EXOC2: variants seen among roughly 807,000 people sequenced by gnomAD.
EXOC2 encodes exocyst complex component 2.
EXOC2 carries 70 observed loss-of-function variants against 131.8 expected under a neutral mutation model. The observed-to-expected ratio is 0.53, with a 90% CI of 0.44 to 0.65. EXOC2 has a LOEUF of 0.65. Among genes scored for constraint, EXOC2 ranks in the 30% least tolerant of loss-of-function variants. The probability of loss-of-function intolerance (pLI) is 0.00; values close to 1 mark genes in which losing one functional copy is unlikely to be tolerated. For missense variants in EXOC2, 923 were observed against 1,108.6 expected (o/e 0.83, Z 2.38); for synonymous variants, 411 against 398.4 (o/e 1.03, Z -0.38).
chr6:643,671 A>G (rs1401884326), intron 1 of EXOC2, among the ~76,000 whole-genome samples: 1 of 152,096 alleles, frequency 6.6e-6, no homozygotes, highest in Non-Finnish European at 1.5e-5. Context: ...GGAGGGCAGG[A>G]AAAGGAAGCA....
rs946507593 is a variant in EXOC2, at chr6:567,629, TTAA to T, written c.1444-2703_1444-2701del. On this transcript the variant is annotated intron_variant, in intron 13 of 27. Transcript: ENST00000230449. ...TGCATTTATATGCATGTGTTATACATTAATGTTTCATACATGTCTACATACGTG... is the reference window on the plus strand; with the variant it reads ...TGCATTTATATGCATGTGTTATACATTGTTTCATACATGTCTACATACGTG... 3.4e-4 allele frequency among the ~76,000 whole-genome samples: 51 copies of T among 151,964 alleles called. 1 individual carries two copies. The highest frequency in any genetic ancestry group is 4.1e-4 in the South Asian group (2 of 4,824).
chr6:628,337 C>CT (rs1761681555), intron 4 of EXOC2, among the ~76,000 whole-genome samples: 1 of 152,240 alleles, frequency 6.6e-6, no homozygotes, highest in Admixed American at 6.5e-5. Flanking sequence ...TTATTCTTCA[C>CT]TGCCATTACC....
intron 1 of EXOC2, chr6:656,533 G>A: frequency 6.2e-7 from 1 of 1,603,770 alleles, no homozygotes; most frequent in Non-Finnish European, 8.5e-7. Flanking sequence ...ACTCTCCTGG[G>A]AAGCACCCGC....
intron 23 of EXOC2, among the ~76,000 whole-genome samples, chr6:526,698 C>T (rs1294566978): frequency 2.0e-5 from 3 of 152,070 alleles, no homozygotes; most frequent in Non-Finnish European, 4.4e-5. Context: ...CCTCAGCCTC[C>T]CAAAATGCCG....
At chr6:537,001 A>G (rs1034596636) in intron 22 of EXOC2, among the ~76,000 whole-genome samples, 2 of 152,236 alleles carry the variant, frequency 1.3e-5, no homozygotes, top group Non-Finnish European at 2.9e-5. Context: ...GCACTTCAAG[A>G]AAGAAGCTAC....
intron 23 of EXOC2, among the ~76,000 whole-genome samples, chr6:510,372 C>T (rs1764770406): frequency 6.6e-6 from 1 of 152,062 alleles, no homozygotes; most frequent in Non-Finnish European, 1.5e-5. Context: ...TGTTTTCCAT[C>T]CCAGGATTTT....
chr6:549,052 G>A lies in EXOC2; in HGVS notation c.2238+123C>T, dbSNP rs1185105643. The stretch of plus-strand genomic sequence containing the variant: ...TTAGCAGGGTGAAGGCGGGGAAGCA[G>A]TGTGGCTGTGGGGGCGGCACGCAGA... On this transcript the variant is annotated intron_variant, in intron 22 of 27. Transcript: ENST00000230449. 4.0e-6 allele frequency: 3 copies of A among 747,020 alleles called. No homozygotes were observed. In the East Asian group the frequency reaches 7.4e-5, roughly 18 times the overall value. 46.3% of individuals were successfully genotyped at this position (747,020 alleles called of 1,614,324 possible).
chr6:690,350 C>T (rs1308134263), intron 1 of EXOC2, among the ~76,000 whole-genome samples: 4 of 152,120 alleles, frequency 2.6e-5, no homozygotes, highest in Non-Finnish European at 5.9e-5. Context: ...AACAAGACCC[C>T]CTTTCAATCA....
intron 22 of EXOC2, 71 bp from the exon 23 acceptor site, chr6:532,681 AT>A: frequency 1.5e-6 from 2 of 1,305,646 alleles, no homozygotes; most frequent in Non-Finnish European, 2.0e-6. Flanking sequence ...AATGTTAACA[AT>A]AAATACTTCA....
intron 4 of EXOC2, among the ~76,000 whole-genome samples, chr6:626,079 C>T (rs1450265004): frequency 1.3e-5 from 2 of 152,184 alleles, no homozygotes; most frequent in African/African-American, 4.8e-5. Flanking sequence ...CAACTGAAGT[C>T]ATGCAAAGAC....
intron 1 of EXOC2, among the ~76,000 whole-genome samples, chr6:660,425 C>T (rs970509937): frequency 3.3e-5 from 5 of 152,296 alleles, no homozygotes; most frequent in East Asian, 1.9e-4. Flanking sequence ...CTGGAACAGG[C>T]GCTGATATTC....
chr6:658,665 A>ATATTTTATATATATATATATATAT (rs1374453663), intron 1 of EXOC2, among the ~76,000 whole-genome samples: 1 of 115,546 alleles, frequency 8.7e-6, no homozygotes, highest in Non-Finnish European at 1.8e-5. Context: ...ATATATATAT[A>ATATTTTATATATATATATATATAT]TTTTTTTTTT....
intron 23 of EXOC2, among the ~76,000 whole-genome samples, chr6:527,047 T>C (rs954340151): frequency 2.0e-5 from 3 of 152,230 alleles, no homozygotes; most frequent in Non-Finnish European, 2.9e-5. Context: ...TACCTAGTAA[T>C]GTGTGTATAT....
At chr6:557,697 T>C (rs114571957) in intron 17 of EXOC2, among the ~76,000 whole-genome samples, 7,258 of 149,170 alleles carry the variant, frequency 0.049, 254 homozygotes, top group African/African-American at 0.089. Flanking sequence ...AGGATGGTCA[T>C]AGAAGGCCCC....
At position 549,168 on chromosome 6, in the gene EXOC2, C is replaced by T. The variant is rs755979481; in HGVS notation, c.2238+7G>A. On this transcript the variant is annotated splice_region_variant and intron_variant, in intron 22 of 27. Transcript: ENST00000230449. ...CCGACTTGTGCGTTTTACATGAACT[C>T]GCTTACCTGTGTGATTTTTTCTATT... The T allele has an allele frequency of 8.7e-6, 14 of 1,609,076 alleles. No homozygotes were observed. Among genetic ancestry groups the T allele is most frequent in the Middle Eastern group, 1.7e-4 (1 of 6,060 alleles).
At chr6:556,675 T>C in intron 17 of EXOC2, 111 bp from the exon 18 acceptor site, 1 of 1,124,188 alleles carries the variant, frequency 8.9e-7, no homozygotes, top group Non-Finnish European at 1.3e-6. Flanking sequence ...ATTAATGGAA[T>C]GGAACAGACA....
Position 534,768 on chromosome 6 carries a change from C to T in EXOC2, c.2239-2158G>A, listed in dbSNP as rs149825363. 5.4e-3 allele frequency among the ~76,000 whole-genome samples: 828 copies of T among 152,318 alleles called. 10 individuals are homozygous for T. The highest frequency in any genetic ancestry group is 0.019 in the African/African-American group (786 of 41,572). On this transcript the variant is annotated intron_variant, in intron 22 of 27. Transcript: ENST00000230449. Reference sequence around the variant, plus strand: ...GAAGAAGATGAACTACTGAGGAAAACAGTGACAGGCAATAACTCTGAGTTC... The same window carrying T: ...GAAGAAGATGAACTACTGAGGAAAATAGTGACAGGCAATAACTCTGAGTTC...
At chr6:587,471 C>T (rs1237506330) in intron 11 of EXOC2, among the ~76,000 whole-genome samples, 2 of 152,198 alleles carry the variant, frequency 1.3e-5, no homozygotes, top group Non-Finnish European at 2.9e-5. Flanking sequence ...GTCTCGATCT[C>T]CTGACCTCAT....
intron 1 of EXOC2, among the ~76,000 whole-genome samples, chr6:681,452 G>A (rs568095836): frequency 6.6e-6 from 1 of 152,066 alleles, no homozygotes; most frequent in Non-Finnish European, 1.5e-5. Context: ...TTAATGCTGT[G>A]TCTCCTTTCT....
Sources: allele counts gnomAD v4.1 joint callset (sites outside exome capture counted in the v4.1 genomes callset), GRCh38; gene constraint gnomAD v4.1.1; transcripts MANE v1.5; gene names NCBI Gene and HGNC (gene_info 2026-07-23, HGNC 2026-07-21).